The following CDH8 variants were observed in gnomAD, a reference collection of about 807,000 sequenced individuals.
CDH8 encodes cadherin-8.
Under a neutral mutation model 68.1 loss-of-function variants are expected in CDH8, and 17 were observed. That is an observed-to-expected ratio of 0.25 (90% CI 0.17 to 0.37). CDH8 has a LOEUF of 0.37. CDH8 is among the 10% of genes least tolerant of loss of function. The probability of loss-of-function intolerance (pLI) is 1.00; values close to 1 mark genes in which losing one functional copy is unlikely to be tolerated. For synonymous variants in CDH8, 372 were observed against 365.1 expected, an observed-to-expected ratio of 1.02 and a Z score of -0.21; for missense variants, 763 against 999.3, an observed-to-expected ratio of 0.76 and a Z score of 3.19.
chr16:61,765,153 T>C (rs941848122), intron 8 of CDH8, among the ~76,000 whole-genome samples: 1 of 152,056 alleles, frequency 6.6e-6, no homozygotes, highest in Non-Finnish European at 1.5e-5. Context: ...GAAAATGTAG[T>C]AATAATATAA....
intron 2 of CDH8, among the ~76,000 whole-genome samples, chr16:61,953,408 A>G (rs1353879285): frequency 6.6e-6 from 1 of 152,170 alleles, no homozygotes; most frequent in African/African-American, 2.4e-5. Context: ...CTTGCTCACC[A>G]TGAAATACAT....
intron 2 of CDH8, among the ~76,000 whole-genome samples, chr16:61,960,202 CAT>C (rs1450664776): frequency 8.6e-6 from 1 of 116,814 alleles, no homozygotes; most frequent in South Asian, 2.7e-4. Context: ...TATACACATA[CAT>C]ATATACATGT....
At chr16:61,675,078 A>G (rs1387949537) in intron 10 of CDH8, among the ~76,000 whole-genome samples, 1 of 152,132 alleles carries the variant, frequency 6.6e-6, no homozygotes, top group Admixed American at 6.6e-5. Context: ...TGTCACCAAG[A>G]GATCTGCACT....
intron 10 of CDH8, among the ~76,000 whole-genome samples, chr16:61,660,775 G>T (rs906806819): frequency 3.3e-5 from 5 of 151,924 alleles, no homozygotes; most frequent in Admixed American, 6.6e-5. Flanking sequence ...TATTCAAAAT[G>T]CTCAAGGAAA....
Position 61,711,682 on chromosome 16 carries a change from A to C in CDH8, c.1654+2159T>G, listed in dbSNP as rs528329468. On this transcript the variant is annotated intron_variant, in intron 10 of 11. Coordinates refer to ENST00000577390, the MANE Select transcript of CDH8 (RefSeq NM_001796.5). ...AAGAGGAACATAGAGTATAAACTTT[A>C]TATATCTATTTCAAACCTGTGGTTT... is the stretch of plus-strand genomic sequence containing the variant. 334 of 151,816 alleles carry C rather than the reference A, an allele frequency of 2.2e-3. 2 individuals are homozygous for C. The highest frequency in any genetic ancestry group is 7.7e-3 in the African/African-American group (319 of 41,522). 9.4% of individuals were successfully genotyped at this position (151,816 alleles called of 1,614,324 possible). A position where few individuals can be genotyped will look rare whatever the true frequency, so the allele number is the denominator to read the frequency against.
chr16:61,772,776 A>G (rs1960810726), intron 8 of CDH8, among the ~76,000 whole-genome samples: 1 of 152,026 alleles, frequency 6.6e-6, no homozygotes, highest in African/African-American at 2.4e-5. Context: ...TCAGCCTCAC[A>G]TGGAAACTTG....
chr16:61,836,346 A>G (rs760017782), intron 4 of CDH8, among the ~76,000 whole-genome samples: 2 of 152,014 alleles, frequency 1.3e-5, no homozygotes, highest in Non-Finnish European at 2.9e-5. Context: ...CTCTGAGTCC[A>G]TGATTTTTCT....
chr16:61,971,776 C>T (rs896932002), intron 2 of CDH8, among the ~76,000 whole-genome samples: 3 of 152,142 alleles, frequency 2.0e-5, no homozygotes, highest in African/African-American at 7.2e-5. Context: ...CTGCCAGCCA[C>T]CAGTCAACTC....
At chr16:61,721,278 A>T (rs528484747) in intron 9 of CDH8, among the ~76,000 whole-genome samples, 1 of 151,094 alleles carries the variant, frequency 6.6e-6, no homozygotes, top group African/African-American at 2.4e-5. Context: ...AAATAAAGTG[A>T]AAGTAGTATT....
chr16:62,002,291 G>A (rs1011242742), intron 2 of CDH8, among the ~76,000 whole-genome samples: 10 of 152,098 alleles, frequency 6.6e-5, no homozygotes, highest in African/African-American at 1.7e-4. Context: ...TACTTTACCC[G>A]AGAAACTTCA....
At chr16:61,690,956 C>T (rs185588462) in intron 10 of CDH8, among the ~76,000 whole-genome samples, 1 of 152,162 alleles carries the variant, frequency 6.6e-6, no homozygotes, top group Non-Finnish European at 1.5e-5. Flanking sequence ...TTCTCTCCAG[C>T]CTCACTTTTA....
In CDH8 at chr16:62,021,306, T is replaced by A; in HGVS notation, c.98A>T (p.Asn33Ile). The A allele has an allele frequency of 1.2e-6, 2 of 1,614,022 alleles. No homozygotes were observed. Among genetic ancestry groups the A allele is most frequent in the Non-Finnish European group, 1.7e-6 (2 of 1,179,940 alleles). Residue 33 changes from asparagine (N) to isoleucine (I), a missense_variant, in exon 2 of 12, where the codon AAT becomes ATT. Transcript: ENST00000577390. ...LPPCIYMAPM[N>I]QSQVLMSGSP... ...TCCACTCATTAAAACTTGAGACTGA[T>A]TCATCGGAGCCATGTAAATGCAAGG...
intron 3 of CDH8, among the ~76,000 whole-genome samples, chr16:61,877,562 G>C (rs1963484819): frequency 6.6e-6 from 1 of 152,126 alleles, no homozygotes. Context: ...TTTCAGAGTA[G>C]AGACATTGTG....
At chr16:61,953,915 ATATATATATAT>A (rs1964938672) in intron 2 of CDH8, among the ~76,000 whole-genome samples, 1 of 142,732 alleles carries the variant, frequency 7.0e-6, no homozygotes, top group African/African-American at 2.7e-5. Flanking sequence ...ATATATATAT[ATATATATATAT>A]AAAATACCTT....
intron 3 of CDH8, among the ~76,000 whole-genome samples, chr16:61,870,355 A>G (rs1171445330): frequency 1.3e-5 from 2 of 152,194 alleles, no homozygotes; most frequent in Admixed American, 6.5e-5. Flanking sequence ...TATTTTGTAC[A>G]TGTTTCAGTG....
chr16:61,964,374 C>T (rs12920422), intron 2 of CDH8, among the ~76,000 whole-genome samples: 74,889 of 151,906 alleles, frequency 0.49, 19,839 homozygotes, highest in East Asian at 0.89. Flanking sequence ...GCAGGACACA[C>T]TCTCACACAC....
chr16:61,896,629 T>G (rs1016250962), intron 3 of CDH8, among the ~76,000 whole-genome samples: 1 of 152,200 alleles, frequency 6.6e-6, no homozygotes, highest in African/African-American at 2.4e-5. Context: ...AAGGGAATAA[T>G]TCACACTTCG....
At chr16:61,998,378 C>G (rs1965841694) in intron 2 of CDH8, among the ~76,000 whole-genome samples, 1 of 152,026 alleles carries the variant, frequency 6.6e-6, no homozygotes, top group African/African-American at 2.4e-5. Context: ...CCTTATTTGA[C>G]AGGTGAGTAA....
At chr16:61,933,302 G>C (rs141473360) in intron 2 of CDH8, among the ~76,000 whole-genome samples, 1 of 152,178 alleles carries the variant, frequency 6.6e-6, no homozygotes, top group African/African-American at 2.4e-5. Flanking sequence ...GACAAGAGGA[G>C]AGGCTGTATT....
Sources: gnomAD v4.1 joint callset for allele counts (sites outside exome capture counted in the v4.1 genomes callset) on GRCh38, gnomAD v4.1.1 for gene constraint, MANE v1.5 for transcripts, NCBI Gene and HGNC (gene_info 2026-07-23, HGNC 2026-07-21) for gene names.